The following EPB41L4A variants were observed in gnomAD, a reference collection of about 807,000 sequenced individuals.
The protein encoded by EPB41L4A is erythrocyte membrane protein band 4.1 like 4A, also known as band 4.1-like protein 4A.
In EPB41L4A, 100 loss-of-function variants were observed where a neutral mutation model predicts 108.6. The observed-to-expected ratio is 0.92, with a 90% CI of 0.78 to 1.09. EPB41L4A has a LOEUF of 1.09. Among genes scored for constraint, EPB41L4A ranks in the 50% least tolerant of loss-of-function variants. The pLI, the probability that EPB41L4A is intolerant of heterozygous loss-of-function variation, is 0.00. For missense variants in EPB41L4A, 1,030 were observed against 842.7 expected, an observed-to-expected ratio of 1.22 and a Z score of -2.75; for synonymous variants, 319 against 289.0, an observed-to-expected ratio of 1.10 and a Z score of -1.05.
downstream of EPB41L4A, chr5:112,161,892 GT>G (rs1759929403): frequency 4.7e-6 from 1 of 214,718 alleles, no homozygotes; most frequent in Non-Finnish European, 9.6e-6. Flanking sequence ...TGCTCTGTCT[GT>G]AGCTATTAAG....
Position 112,168,989 on chromosome 5 carries a change from A to G in EPB41L4A, c.1850+6T>C. On this transcript the variant is annotated splice_donor_region_variant and intron_variant, in intron 21 of 22. Coordinates refer to ENST00000261486, the MANE Select transcript of EPB41L4A (RefSeq NM_022140.5). ...GGTGATGGTGTACTCTGGCCTGCCC[A>G]CTTACTTCACTTCCGAGAGAACTGA... 1.9e-6 allele frequency: 3 copies of G among 1,604,632 alleles called. No homozygotes were observed. Among genetic ancestry groups the G allele is most frequent in the Non-Finnish European group, 2.6e-6 (3 of 1,171,334 alleles).
chr5:112,206,801 A>G (rs1182973834), intron 13 of EPB41L4A: 1 of 152,252 alleles, frequency 6.6e-6, no homozygotes, highest in East Asian at 1.9e-4. Context: ...TGCTTCAAGT[A>G]CCAGTATCAT....
At chr5:112,152,007 C>T (rs1399634613) in intron 12 of EPB41L4A, among the ~76,000 whole-genome samples, 1 of 152,172 alleles carries the variant, frequency 6.6e-6, no homozygotes, top group African/African-American at 2.4e-5. Flanking sequence ...GCTGGGATTA[C>T]AGGCGTGAGC....
At chr5:112,376,842 A>T (rs982660612) in intron 1 of EPB41L4A, among the ~76,000 whole-genome samples, 9 of 142,212 alleles carry the variant, frequency 6.3e-5, no homozygotes. Flanking sequence ...TTATAGAAAC[A>T]GAGAATAGAT....
chr5:112,265,088 C>T, intron 5 of EPB41L4A, 72 bp from the exon 6 acceptor site: 1 of 1,286,472 alleles, frequency 7.8e-7, no homozygotes, highest in Non-Finnish European at 1.0e-6. Flanking sequence ...ATAAAATATT[C>T]CTAACATGCT....
rs372336148 is a variant in EPB41L4A, at chr5:112,407,644, C to G, written c.99+11297G>C. ...ATTATTCATAAAACCTATGCAAATA[C>G]CCTTTTTTCCAGTCTTCCACCAAGT... On this transcript the variant is annotated intron_variant, in intron 1 of 22. Transcript: ENST00000261486. 2.6e-5 allele frequency among the ~76,000 whole-genome samples: 4 copies of G among 152,206 alleles called. No homozygotes were observed. The East Asian group carries it at 5.8e-4, about 22-fold the overall frequency.
chr5:112,349,004 C>A (rs1757866318), intron 1 of EPB41L4A, among the ~76,000 whole-genome samples: 1 of 152,140 alleles, frequency 6.6e-6, no homozygotes, highest in Non-Finnish European at 1.5e-5. Flanking sequence ...AAGGAGAATG[C>A]AGAGCACAGA....
intron 13 of EPB41L4A, among the ~76,000 whole-genome samples, chr5:112,209,576 A>G (rs1319514769): frequency 2.0e-5 from 3 of 152,236 alleles, no homozygotes; most frequent in African/African-American, 7.2e-5. Context: ...AGTCCCTCTG[A>G]GTTAGTCCAT....
intron 11 of EPB41L4A, among the ~76,000 whole-genome samples, chr5:112,237,573 C>G (rs570905947): frequency 1.2e-4 from 18 of 152,264 alleles, no homozygotes; most frequent in African/African-American, 4.3e-4. Flanking sequence ...TTAAGCTGTT[C>G]TTTATACCCT....
At chr5:112,324,641 T>G (rs907186562) in intron 1 of EPB41L4A, among the ~76,000 whole-genome samples, 2 of 150,962 alleles carry the variant, frequency 1.3e-5, no homozygotes, top group Non-Finnish European at 2.9e-5. Flanking sequence ...GAGAATCACT[T>G]GAACCCAGGG....
At chr5:112,265,064 C>A in intron 5 of EPB41L4A, 48 bp from the exon 6 acceptor site, 2 of 1,454,312 alleles carry the variant, frequency 1.4e-6, no homozygotes, top group Middle Eastern at 1.8e-4. Flanking sequence ...GAAAATAGTC[C>A]TTAAAACATA....
At chr5:112,317,684 C>A (rs1755518178) in intron 1 of EPB41L4A, among the ~76,000 whole-genome samples, 1 of 152,152 alleles carries the variant, frequency 6.6e-6, no homozygotes, top group African/African-American at 2.4e-5. Flanking sequence ...GACAATCCAG[C>A]TACTTTCTGT....
chr5:112,201,462 T>A (rs1414247987), intron 15 of EPB41L4A, among the ~76,000 whole-genome samples: 1 of 152,228 alleles, frequency 6.6e-6, no homozygotes, highest in Non-Finnish European at 1.5e-5. Flanking sequence ...TTATTTTGTA[T>A]GAAAATATGC....
At chr5:112,280,187 A>G in intron 3 of EPB41L4A, 85 bp downstream of exon 3, 1 of 1,181,024 alleles carries the variant, frequency 8.5e-7, no homozygotes, top group Non-Finnish European at 1.3e-6. Context: ...CTCCAGTACT[A>G]AAGCCCACTT....
At chr5:112,276,928 C>G (rs188588537) in intron 3 of EPB41L4A, among the ~76,000 whole-genome samples, 1 of 152,262 alleles carries the variant, frequency 6.6e-6, no homozygotes, top group Non-Finnish European at 1.5e-5. Flanking sequence ...TTTTTAAAAA[C>G]TAAACTTTAA....
At chr5:112,153,756 T>C (rs2112812951) in intron 12 of EPB41L4A, among the ~76,000 whole-genome samples, 1 of 151,514 alleles carries the variant, frequency 6.6e-6, no homozygotes, top group East Asian at 1.9e-4. Flanking sequence ...AAGGACATAT[T>C]ATGGAACACA....
chr5:112,403,238 T>C (rs766418834), intron 1 of EPB41L4A, among the ~76,000 whole-genome samples: 1 of 151,468 alleles, frequency 6.6e-6, no homozygotes, highest in Non-Finnish European at 1.5e-5. Flanking sequence ...TCCCAATGCA[T>C]GTAATGGATG....
chr5:112,326,149 C>G (rs530981208), intron 1 of EPB41L4A, among the ~76,000 whole-genome samples: 40 of 152,200 alleles, frequency 2.6e-4, no homozygotes, highest in African/African-American at 9.4e-4. Flanking sequence ...GACTCCATCT[C>G]TTAAAAAAAA....
intron 12 of EPB41L4A, among the ~76,000 whole-genome samples, chr5:112,215,688 G>A (rs1272622139): frequency 1.4e-5 from 2 of 143,036 alleles, no homozygotes; most frequent in South Asian, 2.2e-4. Context: ...GCGTGATCCC[G>A]GAAGGTGGAG....
Sources: gnomAD v4.1 joint callset for allele counts (sites outside exome capture counted in the v4.1 genomes callset) on GRCh38, gnomAD v4.1.1 for gene constraint, MANE v1.5 for transcripts, NCBI Gene and HGNC (gene_info 2026-07-23, HGNC 2026-07-21) for gene names.